CDH13: variants seen among roughly 807,000 people sequenced by gnomAD.
CDH13 encodes cadherin 13.
CDH13 carries 24 observed loss-of-function variants against 63.8 expected under a neutral mutation model. That is an observed-to-expected ratio of 0.38 (90% confidence interval 0.27 to 0.53). The LOEUF is 0.53. Ranked by LOEUF, CDH13 falls within the 20% of genes least tolerant of loss-of-function variation. The pLI is 0.85. For synonymous variants in CDH13, 503 were observed against 355.3 expected (o/e 1.42, Z -4.67); for missense variants, 1,049 against 903.1 (o/e 1.16, Z -2.07).
intron 6 of CDH13, among the ~76,000 whole-genome samples, chr16:83,432,568 C>T (rs2072153597): frequency 6.6e-6 from 1 of 152,160 alleles, no homozygotes; most frequent in Admixed American, 6.5e-5. Flanking sequence ...AAACGAGCTT[C>T]AAGAAAAGCT....
At chr16:83,146,207 A>G (rs1322972887) in intron 4 of CDH13, among the ~76,000 whole-genome samples, 6 of 133,490 alleles carry the variant, frequency 4.5e-5, no homozygotes, top group African/African-American at 1.6e-4. Context: ...AAAAAAAAAA[A>G]AAAGAAAAGA....
intron 1 of CDH13, among the ~76,000 whole-genome samples, chr16:82,776,004 G>A (rs1214643133): frequency 6.6e-6 from 1 of 152,172 alleles, no homozygotes; most frequent in East Asian, 1.9e-4. Flanking sequence ...GAGGCCAGGA[G>A]TTCAAGACCA....
intron 2 of CDH13, among the ~76,000 whole-genome samples, chr16:82,997,688 C>T (rs1912400020): frequency 1.3e-5 from 2 of 152,130 alleles, no homozygotes; most frequent in Admixed American, 6.5e-5. Flanking sequence ...TTTCCACAAT[C>T]ACATAGCTAA....
intron 1 of CDH13, among the ~76,000 whole-genome samples, chr16:82,847,533 A>G (rs574365156): frequency 1.3e-5 from 2 of 152,226 alleles, no homozygotes; most frequent in South Asian, 4.1e-4. Context: ...CCTTTCTTCC[A>G]TTTTCAAAGA....
At chr16:82,683,505 C>T (rs148955577) in intron 1 of CDH13, among the ~76,000 whole-genome samples, 1 of 152,212 alleles carries the variant, frequency 6.6e-6, no homozygotes, top group Non-Finnish European at 1.5e-5. Flanking sequence ...TGAGCCTTCT[C>T]TTCCCTAATT....
chr16:83,011,580 G>C (rs2151437244), intron 2 of CDH13, among the ~76,000 whole-genome samples: 1 of 152,240 alleles, frequency 6.6e-6, no homozygotes, highest in Middle Eastern at 3.4e-3. Flanking sequence ...GTAAAACGTG[G>C]CTCCTGTACC....
At chr16:83,243,425 C>A (rs975424440) in intron 5 of CDH13, among the ~76,000 whole-genome samples, 1 of 152,128 alleles carries the variant, frequency 6.6e-6, no homozygotes, top group Non-Finnish European at 1.5e-5. Context: ...TATTAACTAT[C>A]ATGAGAACAG....
At position 83,765,138 on chromosome 16, in the gene CDH13, A is replaced by G. The variant is rs143348018; in HGVS notation, c.1682-14830A>G. Among the ~76,000 whole-genome samples, 424 of 152,270 alleles carry G rather than the reference A, an allele frequency of 2.8e-3. 1 individual carries two copies. The highest frequency in any genetic ancestry group is 9.9e-3 in the African/African-American group (410 of 41,538). On this transcript the variant is annotated intron_variant, in intron 11 of 13. Transcript: ENST00000567109. ...GTAACACCATCCCACATCTGCTTAC[A>G]TATCTGTTCCTGCCATAGCATTAGC... is the stretch of plus-strand genomic sequence containing the variant.
intron 2 of CDH13, among the ~76,000 whole-genome samples, chr16:82,975,439 C>T (rs1370768079): frequency 1.3e-5 from 2 of 152,194 alleles, no homozygotes; most frequent in Non-Finnish European, 2.9e-5. Flanking sequence ...TGACCCTAGG[C>T]ATGCTCTTAA....
chr16:82,925,795 C>A (rs1405791521), intron 2 of CDH13, among the ~76,000 whole-genome samples: 1 of 152,148 alleles, frequency 6.6e-6, no homozygotes, highest in African/African-American at 2.4e-5. Flanking sequence ...AATAATATAC[C>A]ATATCTTGAT....
At position 82,964,191 on chromosome 16, in the gene CDH13, A is replaced by G. The variant is rs142841721; in HGVS notation, c.158-67819A>G. Among the ~76,000 whole-genome samples the G allele has an allele frequency of 4.1e-3, 625 of 152,262 alleles. 5 individuals carry two copies. The highest frequency in any genetic ancestry group is 4.7e-3 in the Non-Finnish European group (321 of 68,024). On this transcript the variant is annotated intron_variant, in intron 2 of 13. Transcript: ENST00000567109. ...GCTCTGTATTAATAAAACAATCTCA[A>G]TGGTGGAGCTCCATAAAAGAGAGGC...
At chr16:83,757,690 C>T (rs999968155) in intron 11 of CDH13, among the ~76,000 whole-genome samples, 1 of 151,908 alleles carries the variant, frequency 6.6e-6, no homozygotes, top group African/African-American at 2.4e-5. Context: ...GAAAAAAACA[C>T]AAATTACCAA....
intron 6 of CDH13, among the ~76,000 whole-genome samples, chr16:83,447,647 A>C (rs1348568015): frequency 2.0e-5 from 3 of 152,192 alleles, no homozygotes; most frequent in Non-Finnish European, 4.4e-5. Flanking sequence ...AGGATCCTGA[A>C]ATAAACCAAG....
intron 7 of CDH13, among the ~76,000 whole-genome samples, chr16:83,583,803 G>C (rs899201194): frequency 6.6e-6 from 1 of 151,822 alleles, no homozygotes; most frequent in Non-Finnish European, 1.5e-5. Context: ...TCTAGACCTA[G>C]CTACTCCAGA....
intron 1 of CDH13, among the ~76,000 whole-genome samples, chr16:82,776,181 G>C (rs1331520236): frequency 6.7e-6 from 1 of 148,948 alleles, no homozygotes; most frequent in Non-Finnish European, 1.5e-5. Context: ...CTGCATTCCA[G>C]CTTGGGTAAC....
At chr16:82,648,749 C>G (rs1476862206) in intron 1 of CDH13, among the ~76,000 whole-genome samples, 3 of 151,842 alleles carry the variant, frequency 2.0e-5, no homozygotes, top group Admixed American at 2.0e-4. Context: ...ATACAAGAAA[C>G]TTGAAAAAGT....
At chr16:82,679,068 T>A (rs1914254183) in intron 1 of CDH13, among the ~76,000 whole-genome samples, 1 of 152,168 alleles carries the variant, frequency 6.6e-6, no homozygotes, top group Non-Finnish European at 1.5e-5. Flanking sequence ...GCCTCAGAAA[T>A]GTCTGTCTCT....
At chr16:83,447,076 A>G (rs1364421962) in intron 6 of CDH13, among the ~76,000 whole-genome samples, 2 of 79,056 alleles carry the variant, frequency 2.5e-5, no homozygotes, top group African/African-American at 1.0e-4. Flanking sequence ...AAAAAAAAAC[A>G]AAAAACACCT....
Position 83,234,648 on chromosome 16 carries a change from C to T in CDH13, c.636+17151C>T, listed in dbSNP as rs530019988. 2.5e-4 allele frequency among the ~76,000 whole-genome samples: 38 copies of T among 152,240 alleles called. 1 individual carries two copies. The South Asian group carries it at 7.3e-3, about 29-fold the overall frequency. ...AGAAGTTAAGTCTCCCCTGCCATGC[C>T]GGGGGCATTGTTCTAGGCACAAGGG... On this transcript the variant is annotated intron_variant, in intron 5 of 13. Transcript: ENST00000567109.
Sources: gnomAD v4.1 joint callset for allele counts (sites outside exome capture counted in the v4.1 genomes callset) on GRCh38, gnomAD v4.1.1 for gene constraint, MANE v1.5 for transcripts, NCBI Gene and HGNC (gene_info 2026-07-23, HGNC 2026-07-21) for gene names.